Variants in RNASEL observed in about 807,000 individuals in gnomAD.
The protein encoded by RNASEL is ribonuclease L.
A neutral mutation model predicts 50.9 loss-of-function variants in RNASEL; 36 were observed. The ratio of observed to expected loss-of-function variants is 0.71; its 90% CI spans 0.54 to 0.93. The LOEUF is 0.93. Among genes scored for constraint, RNASEL ranks in the 40% least tolerant of loss-of-function variants. The pLI is 0.00. For synonymous variants in RNASEL, 335 were observed against 335.6 expected (o/e 1.00, Z 0.02); for missense variants, 860 against 894.5 (o/e 0.96, Z 0.49).
At chr1:182,576,165 C>G in intron 6 of RNASEL, 91 bp downstream of exon 6, 1 of 1,353,106 alleles carries the variant, frequency 7.4e-7, no homozygotes. Context: ...AATAAATTTT[C>G]TTTTTTCCAT....
At chr1:182,576,892 T>TC (rs1260381833) in intron 5 of RNASEL, 1 of 151,760 alleles carries the variant, frequency 6.6e-6, no homozygotes, top group Non-Finnish European at 1.5e-5. Context: ...TTTTTTTTTT[T>TC]TCAAGACGGA....
In RNASEL at chr1:182,586,524, G is replaced by T. The variant is rs1661601485; in HGVS notation, c.283C>A (p.Pro95Thr). 1.2e-6 allele frequency: 2 copies of T among 1,610,132 alleles called. No individual in the cohort carries two copies. The highest frequency in any genetic ancestry group is 8.5e-7 in the Non-Finnish European group (1 of 1,177,228). ...CCCGCAATCGCTGCGAGGATAAAAG[G>T]CGTGGCCCCATTCTTCTTCCTCAGA... is the stretch of plus-strand genomic sequence containing the variant. ...PVLRKKNGAT[P>T]FILAAIAGSV... The change falls in exon 2 of 7, where the codon CCT becomes ACT. Residue 95 changes from proline (P) to threonine (T), a missense_variant. Pro to Thr is a conservative substitution (Grantham distance 38, BLOSUM62 -1). Transcript: ENST00000367559.
chr1:182,578,261 CA>C (rs1365626439), intron 5 of RNASEL: 1 of 152,120 alleles, frequency 6.6e-6, no homozygotes, highest in Non-Finnish European at 1.5e-5. Context: ...CCAGAATTTA[CA>C]AGGAACTCAA....
intron 5 of RNASEL, chr1:182,579,589 T>C: frequency 8.6e-7 from 1 of 1,159,072 alleles, no homozygotes. Flanking sequence ...TCCAGACCTA[T>C]GCTGACAAAA....
Position 182,581,365 on chromosome 1 carries a change from T to C in RNASEL, c.1773-8A>G, listed in dbSNP as rs1181432045. On this transcript the variant is annotated splice_region_variant and splice_polypyrimidine_tract_variant and intron_variant, in intron 4 of 6. Transcript: ENST00000367559. ...CGAAGCGTCCTATAGCGGCTGAAGATGACTAAATGATCTAAATGATCATGA... is the reference window on the plus strand; with the variant it reads ...CGAAGCGTCCTATAGCGGCTGAAGACGACTAAATGATCTAAATGATCATGA... 4 of 1,613,934 alleles carry C rather than the reference T, an allele frequency of 2.5e-6. No homozygotes were observed. In the South Asian group the frequency reaches 3.3e-5, roughly 13 times the overall value.
Position 182,585,781 on chromosome 1 carries a change from G to T in RNASEL, c.1026C>A (p.His342Gln), listed in dbSNP as rs1322702274. The T allele has an allele frequency of 1.2e-6, 2 of 1,614,000 alleles. No homozygotes were observed. The highest frequency in any genetic ancestry group is 1.7e-6 in the Non-Finnish European group (2 of 1,180,018). Residue 342 changes from histidine (H) to glutamine (Q), a missense_variant, in exon 2 of 7, where the codon CAC becomes CAA. By Grantham distance (24) the His-to-Gln change is conservative (BLOSUM62 0). Transcript: ENST00000367559. The stretch of plus-strand genomic sequence containing the variant: ...GGAGATCCTTCAGGGCTGCCCCCCA[G>T]TGTGAGCTCTGAGGCTTCCAGTCTT... Reference protein sequence around the residue: ...PAEDWKPQSSHWGAALKDLHR... With the variant: ...PAEDWKPQSSQWGAALKDLHR...
chr1:182,583,842 TC>T (rs1432038678), intron 3 of RNASEL, among the ~76,000 whole-genome samples: 2 of 152,188 alleles, frequency 1.3e-5, no homozygotes, highest in Non-Finnish European at 2.9e-5. Context: ...ACTGTCGGCT[TC>T]CCTACTTTTG....
At position 182,585,830 on chromosome 1, in the gene RNASEL, T is replaced by G; in HGVS notation, c.977A>C (p.Lys326Thr). Residue 326 changes from lysine (K) to threonine (T), a missense_variant, in exon 2 of 7, where the codon AAA becomes ACA. By Grantham distance (78) the Lys-to-Thr change is moderately conservative. Transcript: ENST00000367559. Reference protein sequence around the residue: ...LVKVLLSHGAKEDFHPPAEDW... With the variant: ...LVKVLLSHGATEDFHPPAEDW... ...TTCAGCAGGAGGGTGAAAATCTTCT[T>G]TGGCTCCATGAGAGAGAAGAACCTT... 1.9e-6 allele frequency: 3 copies of G among 1,613,878 alleles called. No homozygotes were observed. Among genetic ancestry groups the G allele is most frequent in the Non-Finnish European group, 2.5e-6 (3 of 1,179,928 alleles).
intron 5 of RNASEL, 50 bp downstream of exon 5, chr1:182,581,175 A>G (rs754341186): frequency 6.2e-7 from 1 of 1,613,240 alleles, no homozygotes; most frequent in African/African-American, 1.3e-5. Context: ...AAAACATTAC[A>G]CAAATTCTTA....
In RNASEL at chr1:182,581,909, T is replaced by C. The variant is rs1027127139; in HGVS notation, c.1772+144A>G. On this transcript the variant is annotated intron_variant, in intron 4 of 6. Transcript: ENST00000367559. ...AAAAGCAGACTCCAGAGAGGTTAAG[T>C]CATCTCTCCAAGGACACACAGCCAG... 2.2e-5 allele frequency: 17 copies of C among 768,292 alleles called. No individual in the cohort carries two copies. In the South Asian group the frequency reaches 2.4e-4, roughly 11 times the overall value. 47.6% of individuals were successfully genotyped at this position (768,292 alleles called of 1,614,324 possible).
In RNASEL at chr1:182,576,336, A is replaced by G. The variant is rs1461797080; in HGVS notation, c.1959T>C (p.Asn653=). 7 of 1,608,522 alleles carry G rather than the reference A, an allele frequency of 4.4e-6. No homozygotes were observed. The South Asian group carries it at 7.7e-5, about 18-fold the overall frequency. The change falls in exon 6 of 7, where the codon AAT becomes AAC. Residue 653 remains asparagine, a synonymous_variant. Coordinates refer to ENST00000367559, the MANE Select transcript of RNASEL (RefSeq NM_021133.4). ...GATCACCCACAGTGTTCTGGTAGAA[A>G]TTGCCTCTTTTTTCATAAAACTTAT... is the stretch of plus-strand genomic sequence containing the variant. ...KMNKFYEKRG[N]FYQNTVGDLL... is the part of the protein sequence containing the mutation.
chr1:182,588,056 T>A (rs1340605763), intron 1 of RNASEL, among the ~76,000 whole-genome samples: 3 of 152,214 alleles, frequency 2.0e-5, no homozygotes, highest in Non-Finnish European at 1.5e-5. Flanking sequence ...CTGAGCACAT[T>A]TAAGGTAAGC....
chr1:182,582,273 T>C lies in RNASEL; in HGVS notation c.1567-15A>G. The C allele has an allele frequency of 6.2e-7, 1 of 1,614,010 alleles. No individual in the cohort carries two copies. Among genetic ancestry groups the C allele is most frequent in the Non-Finnish European group, 8.5e-7 (1 of 1,179,900 alleles). ...CGTCCAAGGTCCTGCACAAAAGCCA[T>C]AAATCAAGCCAAAGATGCTTACTAA... On this transcript the variant is annotated splice_polypyrimidine_tract_variant and intron_variant, in intron 3 of 6. Coordinates refer to ENST00000367559, the MANE Select transcript of RNASEL (RefSeq NM_021133.4).
In RNASEL at chr1:182,583,515, A is replaced by C. The variant is rs1229886888; in HGVS notation, c.1566+566T>G. 2.6e-5 allele frequency among the ~76,000 whole-genome samples: 4 copies of C among 152,156 alleles called. No homozygotes were observed. The East Asian group carries it at 7.7e-4, about 29-fold the overall frequency. Reference sequence around the variant, plus strand: ...TCAACTTGATTGAGTTGAAGGATACAAAGTATTGTGACTGGGTGTGTCTGT... The same window carrying C: ...TCAACTTGATTGAGTTGAAGGATACCAAGTATTGTGACTGGGTGTGTCTGT... On this transcript the variant is annotated intron_variant, in intron 3 of 6. Transcript: ENST00000367559.
rs774045331 is a variant in RNASEL, at chr1:182,586,297, T to G, written c.510A>C (p.Thr170=). The G allele has an allele frequency of 3.7e-6, 6 of 1,614,084 alleles. No individual in the cohort carries two copies. The highest frequency in any genetic ancestry group is 5.1e-6 in the Non-Finnish European group (6 of 1,180,034). The change falls in exon 2 of 7, where the codon ACA becomes ACC. Residue 170 remains threonine, a synonymous_variant. Transcript: ENST00000367559. ...CTTTTTCAGCAGCGTCCATGAGAGC[T>G]GTGGCCCCTCCTTTCCTCAGCCGCT... ...DQERLRKGGA[T]ALMDAAEKGH...
At position 182,586,405 on chromosome 1, in the gene RNASEL, C is replaced by T. The variant is rs2102371869; in HGVS notation, c.402G>A (p.Val134=). ...YGFTAFMEAA[V]YGKVKALKFL... is the part of the protein sequence containing the mutation. ...ATTTTAGGGCTTTGACCTTACCATACACAGCGGCTTCCATGAAGGCTGTGA... is the reference window on the plus strand; with the variant it reads ...ATTTTAGGGCTTTGACCTTACCATATACAGCGGCTTCCATGAAGGCTGTGA... Residue 134 remains valine (V), a synonymous_variant, in exon 2 of 7, where the codon GTG becomes GTA. Transcript: ENST00000367559. 1.9e-6 allele frequency: 3 copies of T among 1,614,202 alleles called. No individual in the cohort carries two copies. Among genetic ancestry groups the T allele is most frequent in the Non-Finnish European group, 2.5e-6 (3 of 1,180,042 alleles).
chr1:182,576,087 A>G (rs1661372474), intron 6 of RNASEL, among the ~76,000 whole-genome samples, 169 bp downstream of exon 6: 1 of 152,262 alleles, frequency 6.6e-6, no homozygotes, highest in Admixed American at 6.5e-5. Context: ...CATGTCCCTC[A>G]TTAATTGTAA....
rs1262333224 is a variant in RNASEL at position 182,582,070 on chromosome 1, G to T, written c.1755C>A (p.Phe585Leu). The T allele has an allele frequency of 6.2e-7, 1 of 1,614,192 alleles. No individual in the cohort carries two copies. Among genetic ancestry groups the T allele is most frequent in the Non-Finnish European group, 8.5e-7 (1 of 1,180,026 alleles). The change falls in exon 4 of 7, where the codon TTC becomes TTA. Residue 585 changes from phenylalanine to leucine, a missense_variant. Transcript: ENST00000367559. The stretch of plus-strand genomic sequence containing the variant: ...TTACTTACCTCTCCCAAGTCCAAAA[G>T]AAGGGATGACCCAGCAGGTCACTCA... ...DCLSDLLGHP[F>L]FWTWESRYRT... is the part of the protein sequence containing the mutation.
In RNASEL at chr1:182,582,238, G is replaced by A; in HGVS notation, c.1587C>T (p.Leu529=). 6.2e-7 allele frequency: 1 copy of A among 1,614,092 alleles called. No homozygotes were observed. The highest frequency in any genetic ancestry group is 8.5e-7 in the Non-Finnish European group (1 of 1,179,998). ...AGATGCTTCCCTTCTTTACCACATA[G>A]AGGACCAGCCGTCCAAGGTCCTGCA... is the stretch of plus-strand genomic sequence containing the variant. ...RDLEDLGRLV[L]YVVKKGSISF... Residue 529 remains leucine (L), a synonymous_variant, in exon 4 of 7, where the codon CTC becomes CTT. Transcript: ENST00000367559.
Sources: allele counts gnomAD v4.1 joint callset (sites outside exome capture counted in the v4.1 genomes callset), GRCh38; gene constraint gnomAD v4.1.1; transcripts MANE v1.5; gene names NCBI Gene and HGNC (gene_info 2026-07-23, HGNC 2026-07-21).